The following TRHDE variants were observed in gnomAD, a reference collection of about 807,000 sequenced individuals.
The protein encoded by TRHDE is thyrotropin releasing hormone degrading enzyme.
TRHDE carries 72 observed loss-of-function variants against 125.7 expected under a neutral mutation model. The observed-to-expected ratio is 0.57, with a 90% CI of 0.47 to 0.70. The LOEUF is 0.70. Among genes scored for constraint, TRHDE ranks in the 30% least tolerant of loss-of-function variants. TRHDE has a pLI of 0.00. For missense variants in TRHDE, 1,110 were observed against 1,327.1 expected (o/e 0.84, Z 2.54); for synonymous variants, 509 against 509.1 (o/e 1.00, Z 0.00).
intron 1 of TRHDE, among the ~76,000 whole-genome samples, chr12:72,277,226 G>C (rs1165666446): frequency 6.6e-6 from 1 of 152,158 alleles, no homozygotes; most frequent in East Asian, 1.9e-4. Flanking sequence ...TTCTCAAAGA[G>C]AATTGGGACC....
At chr12:72,512,705 CAG>C in intron 6 of TRHDE, among the ~76,000 whole-genome samples, 1 of 145,330 alleles carries the variant, frequency 6.9e-6, no homozygotes, top group South Asian at 2.1e-4. Context: ...TTCAGATTGA[CAG>C]AATTCTATAG....
chr12:72,545,705 A>T (rs1869384276), intron 7 of TRHDE, among the ~76,000 whole-genome samples: 1 of 151,634 alleles, frequency 6.6e-6, no homozygotes, highest in Non-Finnish European at 1.5e-5. Flanking sequence ...TGCTGGTAAT[A>T]GTTTTATTTT....
intron 12 of TRHDE, among the ~76,000 whole-genome samples, chr12:72,583,876 T>G: frequency 6.6e-6 from 1 of 150,542 alleles, no homozygotes; most frequent in African/African-American, 2.4e-5. Context: ...GAAGTACAAA[T>G]CTCCTGAGGC....
intron 18 of TRHDE, among the ~76,000 whole-genome samples, chr12:72,659,754 G>T (rs1874843853): frequency 1.3e-5 from 2 of 152,194 alleles, no homozygotes; most frequent in African/African-American, 4.8e-5. Flanking sequence ...TTTTATAAAA[G>T]TGCCTAAAGT....
intron 2 of TRHDE, among the ~76,000 whole-genome samples, chr12:72,232,138 CA>C (rs1200593773): frequency 2.6e-5 from 4 of 152,126 alleles, no homozygotes; most frequent in Non-Finnish European, 5.9e-5. Context: ...AGGAGGGGTA[CA>C]CCAGGCCATG....
chr12:72,626,816 A>C, intron 15 of TRHDE, among the ~76,000 whole-genome samples: 1 of 152,000 alleles, frequency 6.6e-6, no homozygotes. Flanking sequence ...GGCTCTTTTC[A>C]CTATGGTCTG....
rs1441789714 is a variant in TRHDE, at chr12:72,562,960, A to T, written c.1962A>T (p.Glu654Asp). The T allele has an allele frequency of 6.2e-7, 1 of 1,611,082 alleles. No individual in the cohort carries two copies. ...CCATCTTGGGAAACACAACAGCAGA[A>T]AATAGAATAATAATTACCCAACAGC... ...VITILGNTTA[E>D]NRIIITQQHF... The change falls in exon 9 of 19, where the codon GAA becomes GAT. Residue 654 changes from glutamate to aspartate, a missense_variant. Glu to Asp is a conservative substitution (Grantham distance 45). Around this residue, in one of 5 missense-constraint regions of TRHDE, gnomAD observed 527 missense variants for 651.8 expected, o/e 0.81. Coordinates refer to ENST00000261180, the MANE Select transcript of TRHDE (RefSeq NM_013381.3).
intron 2 of TRHDE, among the ~76,000 whole-genome samples, chr12:72,350,345 G>T (rs2135739627): frequency 6.6e-6 from 1 of 152,086 alleles, no homozygotes; most frequent in South Asian, 2.1e-4. Flanking sequence ...CAGCAGTAAT[G>T]GCGATGATAG....
intron 12 of TRHDE, among the ~76,000 whole-genome samples, chr12:72,598,743 T>A (rs746452151): frequency 5.9e-5 from 9 of 152,156 alleles, no homozygotes; most frequent in Non-Finnish European, 1.3e-4. Context: ...TCAACTTTTT[T>A]TTAGATTCAG....
intron 1 of TRHDE, among the ~76,000 whole-genome samples, chr12:72,275,382 G>A (rs1195781274): frequency 1.3e-5 from 2 of 152,164 alleles, no homozygotes; most frequent in East Asian, 3.8e-4. Context: ...ATAAGTGAAT[G>A]TATAAATTAT....
chr12:72,127,927 A>C (rs1875761676), intron 2 of TRHDE, among the ~76,000 whole-genome samples: 1 of 151,886 alleles, frequency 6.6e-6, no homozygotes, highest in Non-Finnish European at 1.5e-5. Flanking sequence ...GTCCTGGAAG[A>C]CTCCCTGAGT....
intron 2 of TRHDE, among the ~76,000 whole-genome samples, chr12:72,320,659 A>G (rs920757479): frequency 3.3e-5 from 5 of 152,056 alleles, no homozygotes; most frequent in African/African-American, 1.2e-4. Context: ...CTATCACTGC[A>G]GAGTTTTACC....
intron 2 of TRHDE, among the ~76,000 whole-genome samples, chr12:72,205,335 T>G (rs1175101770): frequency 6.6e-6 from 1 of 151,958 alleles, no homozygotes; most frequent in East Asian, 1.9e-4. Flanking sequence ...AAGCACTGTT[T>G]TTTTTTTTTT....
At chr12:72,562,317 T>G in intron 8 of TRHDE, 87 bp downstream of exon 8, 1 of 625,088 alleles carries the variant, frequency 1.6e-6, no homozygotes, top group Non-Finnish European at 2.8e-6. Flanking sequence ...TATTGACACC[T>G]GATAGTTTGT....
intron 10 of TRHDE, among the ~76,000 whole-genome samples, chr12:72,574,679 C>A (rs1870906667): frequency 6.6e-6 from 1 of 151,920 alleles, no homozygotes; most frequent in Admixed American, 6.6e-5. Flanking sequence ...AATTTATTAT[C>A]TTTGTTTCTA....
chr12:72,341,989 A>G (rs1870106302), intron 2 of TRHDE, among the ~76,000 whole-genome samples: 1 of 152,124 alleles, frequency 6.6e-6, no homozygotes, highest in Non-Finnish European at 1.5e-5. Flanking sequence ...AGTCAGTATT[A>G]GGAAGGATTG....
intron 2 of TRHDE, among the ~76,000 whole-genome samples, chr12:72,301,494 T>C (rs1267929683): frequency 6.6e-6 from 1 of 152,134 alleles, no homozygotes; most frequent in African/African-American, 2.4e-5. Context: ...TATTAAATAA[T>C]GTGTTTTTAG....
At chr12:72,269,518 C>T (rs183974846), upstream of TRHDE, among the ~76,000 whole-genome samples, 27 of 152,100 alleles carry the variant, frequency 1.8e-4, no homozygotes, top group Admixed American at 1.6e-3. Flanking sequence ...TAGTAATTTT[C>T]AGAAGTACAT....
At chr12:72,464,862 C>G (rs536478977) in intron 3 of TRHDE, among the ~76,000 whole-genome samples, 1 of 152,188 alleles carries the variant, frequency 6.6e-6, no homozygotes, top group South Asian at 2.1e-4. Context: ...AGGAGGCAAA[C>G]AAGTAGAGCA....
Sources: gnomAD v4.1 joint callset for allele counts (sites outside exome capture counted in the v4.1 genomes callset) on GRCh38, gnomAD v4.1.1 for gene constraint, gnomAD v4.1.1 regional missense constraint, MANE v1.5 for transcripts, NCBI Gene and HGNC (gene_info 2026-07-23, HGNC 2026-07-21) for gene names.